ESRRG: variants seen among roughly 807,000 people sequenced by gnomAD.
ESRRG encodes the protein estrogen related receptor gamma.
Under a neutral mutation model 44.0 loss-of-function variants are expected in ESRRG, and 13 were observed. The ratio of observed to expected loss-of-function variants is 0.30; its 90% CI spans 0.19 to 0.47. The LOEUF is 0.47. Ranked by LOEUF, ESRRG falls within the 20% of genes least tolerant of loss-of-function variation. The pLI, the probability that ESRRG is intolerant of heterozygous loss-of-function variation, is 1.00. For missense variants in ESRRG, 395 were observed against 580.6 expected, an observed-to-expected ratio of 0.68 and a Z score of 3.29; for synonymous variants, 215 against 214.6, an observed-to-expected ratio of 1.00 and a Z score of -0.02.
At chr1:216,694,588 G>T (rs550591888) in intron 1 of ESRRG, among the ~76,000 whole-genome samples, 4 of 150,616 alleles carry the variant, frequency 2.7e-5, no homozygotes, top group Non-Finnish European at 4.4e-5. Flanking sequence ...ACACAGTCTC[G>T]ATCTGTCACC....
At chr1:216,790,749 A>G (rs939683692) in intron 2 of ESRRG, among the ~76,000 whole-genome samples, 1 of 152,300 alleles carries the variant, frequency 6.6e-6, no homozygotes, top group South Asian at 2.1e-4. Flanking sequence ...CTTGAAAATA[A>G]GAATAATGAA....
intron 1 of ESRRG, among the ~76,000 whole-genome samples, chr1:217,110,479 T>C (rs1002128631): frequency 1.3e-5 from 2 of 152,172 alleles, no homozygotes; most frequent in African/African-American, 4.8e-5. Context: ...GGATAGTTTA[T>C]AAAGAAAAGA....
chr1:216,766,211 T>C (rs1165580495), intron 2 of ESRRG, among the ~76,000 whole-genome samples: 1 of 152,082 alleles, frequency 6.6e-6, no homozygotes, highest in Non-Finnish European at 1.5e-5. Flanking sequence ...TCCACTTTCT[T>C]ATGCTTAATC....
chr1:216,582,452 T>C (rs905708168), intron 3 of ESRRG, among the ~76,000 whole-genome samples: 3 of 152,054 alleles, frequency 2.0e-5, no homozygotes, highest in Admixed American at 6.6e-5. Flanking sequence ...ATTCTTTTCT[T>C]TTTTTTTGAG....
chr1:217,098,821 T>C (rs1008538396), intron 1 of ESRRG, among the ~76,000 whole-genome samples: 1 of 152,130 alleles, frequency 6.6e-6, no homozygotes, highest in Non-Finnish European at 1.5e-5. Context: ...AGGACTAACA[T>C]CCCATGGAAT....
intron 1 of ESRRG, among the ~76,000 whole-genome samples, chr1:217,043,752 G>A (rs180972713): frequency 2.0e-5 from 3 of 152,144 alleles, no homozygotes; most frequent in Admixed American, 6.5e-5. Context: ...TATATAGATT[G>A]TGCCCATACA....
chr1:216,939,609 G>A (rs2064870570), exon 2 of ESRRG: 1 of 151,622 alleles, frequency 6.6e-6, no homozygotes, highest in Non-Finnish European at 1.5e-5. Context: ...TGTTAGCGTA[G>A]GATTTTTTCC....
intron 2 of ESRRG, among the ~76,000 whole-genome samples, chr1:216,849,708 C>T (rs2095812164): frequency 1.3e-5 from 2 of 152,036 alleles, no homozygotes; most frequent in Admixed American, 1.3e-4. Context: ...TAAAAAGACC[C>T]ACGCTCCTCA....
At chr1:216,713,885 C>G (rs1169715043) in intron 1 of ESRRG, among the ~76,000 whole-genome samples, 4 of 152,136 alleles carry the variant, frequency 2.6e-5, no homozygotes, top group Non-Finnish European at 5.9e-5. Context: ...TTATTCAAAG[C>G]CTATCAGCAT....
Position 216,694,713 on chromosome 1 carries a change from C to T in ESRRG, c.57-17222G>A, listed in dbSNP as rs571593330. 3.9e-5 allele frequency among the ~76,000 whole-genome samples: 6 copies of T among 152,044 alleles called. No homozygotes were observed. In the South Asian group the frequency reaches 1.2e-3, roughly 32 times the overall value. On this transcript the variant is annotated intron_variant, in intron 1 of 6. Coordinates refer to ENST00000408911, the MANE Select transcript of ESRRG (RefSeq NM_001438.4). ...CAGGGATTACAGGTGCGTGCCACCA[C>T]ACCTGGCTAATTTTTCTTTTTTAAA...
chr1:217,063,288 C>A (rs2088939260), intron 1 of ESRRG, among the ~76,000 whole-genome samples: 1 of 152,344 alleles, frequency 6.6e-6, no homozygotes, highest in South Asian at 2.1e-4. Flanking sequence ...CTCCTGCTAT[C>A]TCCTACTGTG....
At chr1:216,592,503 C>CT (rs796962095) in intron 3 of ESRRG, among the ~76,000 whole-genome samples, 40 of 147,546 alleles carry the variant, frequency 2.7e-4, no homozygotes, top group South Asian at 4.3e-4. Context: ...TGTCATCTAT[C>CT]TTTTTTTTTT....
chr1:216,975,345 G>C (rs1327763015), intron 1 of ESRRG, among the ~76,000 whole-genome samples: 1 of 152,110 alleles, frequency 6.6e-6, no homozygotes, highest in Non-Finnish European at 1.5e-5. Flanking sequence ...ACATGGAAAG[G>C]GGAAGACAAA....
chr1:216,736,373 C>T (rs566851806), intron 2 of ESRRG, among the ~76,000 whole-genome samples: 1 of 151,698 alleles, frequency 6.6e-6, no homozygotes, highest in Non-Finnish European at 1.5e-5. Flanking sequence ...TTAGTAGAGA[C>T]GGGGTTTCAC....
intron 1 of ESRRG, among the ~76,000 whole-genome samples, chr1:216,966,160 C>T (rs1436885): frequency 0.51 from 77,400 of 152,020 alleles, 21,642 homozygotes; most frequent in Middle Eastern, 0.7. Context: ...CATTTGGACA[C>T]GTGTCCTAGC....
chr1:216,892,806 C>T (rs972861066), intron 2 of ESRRG, among the ~76,000 whole-genome samples: 6 of 152,094 alleles, frequency 3.9e-5, no homozygotes, highest in African/African-American at 1.2e-4. Flanking sequence ...ATTATTTAAT[C>T]GTCCTCTCCA....
intron 2 of ESRRG, among the ~76,000 whole-genome samples, chr1:216,799,390 C>T (rs1176077772): frequency 6.6e-6 from 1 of 151,960 alleles, no homozygotes; most frequent in Non-Finnish European, 1.5e-5. Flanking sequence ...CAAGACACCA[C>T]CCACACAACC....
At chr1:216,570,259 C>T (rs1263395832) in intron 3 of ESRRG, among the ~76,000 whole-genome samples, 2 of 151,890 alleles carry the variant, frequency 1.3e-5, no homozygotes, top group African/African-American at 2.4e-5. Flanking sequence ...ATATCAAAAC[C>T]CAAAAAAGTT....
intron 1 of ESRRG, among the ~76,000 whole-genome samples, chr1:216,969,419 A>G (rs1475730237): frequency 2.7e-5 from 4 of 147,352 alleles, no homozygotes; most frequent in African/African-American, 5.4e-5. Flanking sequence ...GAAAAAAAAC[A>G]TAGAAAAAAA....
Sources: allele counts gnomAD v4.1 joint callset (sites outside exome capture counted in the v4.1 genomes callset), GRCh38; gene constraint gnomAD v4.1.1; transcripts MANE v1.5; gene names NCBI Gene and HGNC (gene_info 2026-07-23, HGNC 2026-07-21).